GLIPR1L1: variants seen among roughly 807,000 people sequenced by gnomAD.
The protein encoded by GLIPR1L1 is GLIPR1 like 1, also known as GLIPR1-like protein 1.
A neutral mutation model predicts 29.9 loss-of-function variants in GLIPR1L1; 26 were observed. That is an observed-to-expected ratio of 0.87 (90% CI 0.64 to 1.21). The LOEUF (loss-of-function observed/expected upper bound fraction) is 1.21, where lower values mean the gene tolerates loss of function less well. Among genes scored for constraint, GLIPR1L1 ranks in the 50% most tolerant of loss-of-function variants. GLIPR1L1 has a pLI of 0.00. For missense variants in GLIPR1L1, 305 were observed against 290.3 expected (o/e 1.05, Z -0.37); for synonymous variants, 77 against 97.5 (o/e 0.79, Z 1.24).
chr12:75,349,926 AT>A (rs994888997), intron 3 of GLIPR1L1, among the ~76,000 whole-genome samples: 1 of 152,226 alleles, frequency 6.6e-6, no homozygotes, highest in Non-Finnish European at 1.5e-5. Flanking sequence ...GTGGAAATTG[AT>A]TTCCTTACAT....
intron 3 of GLIPR1L1, among the ~76,000 whole-genome samples, chr12:75,353,109 C>T (rs1292529302): frequency 6.6e-6 from 1 of 151,826 alleles, no homozygotes; most frequent in Admixed American, 6.6e-5. Context: ...AGCAAACAAA[C>T]CCCAAAGCTA....
chr12:75,358,329 C>T (rs953342580), intron 3 of GLIPR1L1, among the ~76,000 whole-genome samples: 10 of 151,648 alleles, frequency 6.6e-5, no homozygotes, highest in Non-Finnish European at 1.5e-4. Context: ...AAAATCTAAA[C>T]AAAATTTAGC....
chr12:75,363,305 G>T, intron 4 of GLIPR1L1, 115 bp downstream of exon 4: 1 of 428,954 alleles, frequency 2.3e-6, no homozygotes, highest in Admixed American at 4.4e-5. Flanking sequence ...TTTGACTGTT[G>T]TTATCTTACG....
chr12:75,347,861 G>T, intron 3 of GLIPR1L1, 139 bp downstream of exon 3: 1 of 384,522 alleles, frequency 2.6e-6, no homozygotes, highest in East Asian at 4.1e-5. Flanking sequence ...AATGAGATAG[G>T]TGAAAATAGA....
At chr12:75,362,926 G>A (rs936236075) in intron 3 of GLIPR1L1, among the ~76,000 whole-genome samples, 176 bp from the exon 4 acceptor site, 2 of 151,958 alleles carry the variant, frequency 1.3e-5, no homozygotes, top group Non-Finnish European at 2.9e-5. Context: ...ATCCTGTAAG[G>A]AATTGTTTTA....
rs989357179 is a variant in GLIPR1L1 at position 75,370,397 on chromosome 12, T to C, written c.*221T>C. On this transcript the variant is annotated 3_prime_UTR_variant, in exon 6 of 6. Transcript: ENST00000378695. ...ATTATTTTTTAATTACAAATCCATA[T>C]GTGTATCAAAAGTGTTCCACTCTTT... 86 of 383,502 alleles carry C rather than the reference T, an allele frequency of 2.2e-4. No homozygotes were observed. The highest frequency in any genetic ancestry group is 7.1e-4 in the Admixed American group (18 of 25,298). The allele number at this position is 383,502 out of a possible 1,614,324, so 23.8% of individuals were successfully genotyped here.
intron 3 of GLIPR1L1, among the ~76,000 whole-genome samples, chr12:75,348,247 A>G (rs1482873712): frequency 6.6e-6 from 1 of 152,212 alleles, no homozygotes; most frequent in Non-Finnish European, 1.5e-5. Flanking sequence ...TAGGAAGACT[A>G]TAAAAACAGT....
chr12:75,353,840 C>A (rs561632244), intron 3 of GLIPR1L1, among the ~76,000 whole-genome samples: 14 of 152,132 alleles, frequency 9.2e-5, no homozygotes, highest in Non-Finnish European at 1.6e-4. Flanking sequence ...GTTCAACATA[C>A]GCAAATCAAT....
chr12:75,354,825 G>T (rs1022218967), intron 3 of GLIPR1L1, among the ~76,000 whole-genome samples: 1 of 151,894 alleles, frequency 6.6e-6, no homozygotes, highest in Admixed American at 6.6e-5. Flanking sequence ...AAATAAGACC[G>T]CACATCTATA....
At position 75,347,772 on chromosome 12, in the gene GLIPR1L1, T is replaced by C. The variant is rs760935325; in HGVS notation, c.521+50T>C. The C allele has an allele frequency of 1.2e-5, 15 of 1,272,732 alleles. No individual in the cohort carries two copies. In the African/African-American group the frequency reaches 1.2e-4, roughly 10 times the overall value. 78.8% of individuals were successfully genotyped at this position (1,272,732 alleles called of 1,614,324 possible). ...TTTTAATTGAAATTAATGTTGATGA[T>C]GGTTGCCAAATAAGAGGACCTTATA... On this transcript the variant is annotated intron_variant, in intron 3 of 5. Transcript: ENST00000378695.
chr12:75,366,233 T>C (rs938241916), intron 4 of GLIPR1L1, among the ~76,000 whole-genome samples: 1 of 152,126 alleles, frequency 6.6e-6, no homozygotes, highest in African/African-American at 2.4e-5. Flanking sequence ...TACACACTCA[T>C]AGAAAGATCC....
In GLIPR1L1 at chr12:75,370,129, G is replaced by T; in HGVS notation, c.682G>T (p.Ala228Ser). The T allele has an allele frequency of 6.2e-7, 1 of 1,607,092 alleles. No individual in the cohort carries two copies. The stretch of plus-strand genomic sequence containing the variant: ...AACGGGGAGAGCACCTCAGCAGACA[G>T]CCTTTAATCCATTCAGCTTAGGTTT... The part of the protein sequence containing the change: ...KPTGRAPQQT[A>S]FNPFSLGFLL... The change falls in exon 6 of 6, where the codon GCC (alanine) becomes TCC (serine). Residue 228 changes from alanine (A) to serine (S), a missense_variant. By Grantham distance (99) the Ala-to-Ser change is moderately conservative. Transcript: ENST00000378695.
At chr12:75,363,229 T>C in intron 4 of GLIPR1L1, 39 bp downstream of exon 4, 3 of 930,790 alleles carry the variant, frequency 3.2e-6, no homozygotes, top group Non-Finnish European at 4.5e-6. Context: ...ATTTAGAGAG[T>C]AAAGTTTCCA....
At chr12:75,340,698 C>G (rs1254127055) in intron 1 of GLIPR1L1, among the ~76,000 whole-genome samples, 1 of 150,382 alleles carries the variant, frequency 6.6e-6, no homozygotes, top group Non-Finnish European at 1.5e-5. Context: ...AGAAAGAACT[C>G]CTATCTAGAG....
At position 75,334,798 on chromosome 12, in the gene GLIPR1L1, A is replaced by G. The variant is rs919591125; in HGVS notation, c.70A>G (p.Lys24Glu). 1.2e-6 allele frequency: 2 copies of G among 1,614,118 alleles called. No homozygotes were observed. Among genetic ancestry groups the G allele is most frequent in the Non-Finnish European group, 1.7e-6 (2 of 1,179,980 alleles). Residue 24 changes from lysine (K) to glutamate (E), a missense_variant, in exon 1 of 6, where the codon AAA becomes GAA. Transcript: ENST00000378695. ...GTGTTTGGTAGCCACTACATCTTCCAAAATCCCATCCATCACTGACCCACA... is the reference window on the plus strand; with the variant it reads ...GTGTTTGGTAGCCACTACATCTTCCGAAATCCCATCCATCACTGACCCACA... ...GLCLVATTSS[K>E]IPSITDPHFI...
intron 3 of GLIPR1L1, among the ~76,000 whole-genome samples, chr12:75,351,837 G>A (rs975932669): frequency 1.2e-4 from 18 of 152,184 alleles, no homozygotes; most frequent in African/African-American, 2.6e-4. Context: ...ATGAGCCATC[G>A]TGCTGGCCCA....
chr12:75,335,458 G>A (rs963597252), intron 1 of GLIPR1L1, among the ~76,000 whole-genome samples: 2 of 152,122 alleles, frequency 1.3e-5, no homozygotes, highest in African/African-American at 2.4e-5. Flanking sequence ...ACTTGACTAT[G>A]AATTGTATGA....
intron 3 of GLIPR1L1, among the ~76,000 whole-genome samples, chr12:75,349,053 C>A (rs1472402461): frequency 1.3e-5 from 2 of 151,758 alleles, no homozygotes; most frequent in Non-Finnish European, 2.9e-5. Context: ...AAAAGAGTAC[C>A]AGAGAAAAGA....
chr12:75,334,915 C>A lies in GLIPR1L1; in HGVS notation c.174+13C>A, dbSNP rs768312266. 6.2e-7 allele frequency: 1 copy of A among 1,609,816 alleles called. No homozygotes were observed. The highest frequency in any genetic ancestry group is 8.5e-7 in the Non-Finnish European group (1 of 1,177,696). On this transcript the variant is annotated intron_variant, in intron 1 of 5. Coordinates refer to ENST00000378695, the MANE Select transcript of GLIPR1L1 (RefSeq NM_001304964.2). ...CATGAAATACATGGTGAGAAAGAACCAGGGCTGGGCTCTTAAATCCCTGAC... is the reference window on the plus strand; with the variant it reads ...CATGAAATACATGGTGAGAAAGAACAAGGGCTGGGCTCTTAAATCCCTGAC...
Sources: gnomAD v4.1 joint callset for allele counts (sites outside exome capture counted in the v4.1 genomes callset) on GRCh38, gnomAD v4.1.1 for gene constraint, MANE v1.5 for transcripts, NCBI Gene and HGNC (gene_info 2026-07-23, HGNC 2026-07-21) for gene names.